Variants in CR1 observed in about 807,000 individuals in gnomAD.
CR1 encodes complement C3b/C4b receptor 1 (Knops blood group), also known as complement receptor type 1.
Under a neutral mutation model 187.3 loss-of-function variants are expected in CR1, and 116 were observed. The observed-to-expected ratio is 0.62, with a 90% CI of 0.53 to 0.72. The LOEUF (loss-of-function observed/expected upper bound fraction) is 0.72, where lower values mean the gene tolerates loss of function less well. Among genes scored for constraint, CR1 ranks in the 30% least tolerant of loss-of-function variants. The pLI, the probability that CR1 is intolerant of heterozygous loss-of-function variation, is 0.00. For missense variants in CR1, 1,731 were observed against 2,110.7 expected (o/e 0.82, Z 3.52); for synonymous variants, 576 against 747.1 (o/e 0.77, Z 3.73).
At chr1:207,629,994 A>T (rs968912103) in intron 45 of CR1, among the ~76,000 whole-genome samples, 7 of 152,224 alleles carry the variant, frequency 4.6e-5, no homozygotes, top group African/African-American at 1.7e-4. Flanking sequence ...CATGATTGTT[A>T]TTACTGATAT....
intron 28 of CR1, among the ~76,000 whole-genome samples, chr1:207,576,275 G>A (rs1314690295): frequency 6.6e-6 from 1 of 152,112 alleles, no homozygotes; most frequent in East Asian, 1.9e-4. Context: ...AGGATAAGTG[G>A]GAACAAACTT....
chr1:207,616,210 C>T (rs1662089763), intron 40 of CR1, among the ~76,000 whole-genome samples: 1 of 151,994 alleles, frequency 6.6e-6, no homozygotes, highest in African/African-American at 2.4e-5. Flanking sequence ...CTCTGATGAC[C>T]AAAACTTTGT....
chr1:207,617,507 A>G (rs55633468), intron 41 of CR1, among the ~76,000 whole-genome samples: 4,561 of 47,048 alleles, frequency 0.097, 746 homozygotes, highest in East Asian at 0.25. Context: ...ATATATATAT[A>G]TGTGTGTGTG....
At chr1:207,604,025 C>T (rs192769136) in intron 35 of CR1, among the ~76,000 whole-genome samples, 3 of 152,272 alleles carry the variant, frequency 2.0e-5, no homozygotes, top group Non-Finnish European at 4.4e-5. Context: ...CCATGACCTA[C>T]GGAGTGAGTC....
intron 39 of CR1, among the ~76,000 whole-genome samples, chr1:207,613,720 A>G (rs1662011935): frequency 1.3e-5 from 2 of 152,104 alleles, no homozygotes; most frequent in African/African-American, 4.8e-5. Context: ...ATGATTTCCA[A>G]AGAATCTTCG....
chr1:207,523,744 T>C lies in CR1; in HGVS notation c.621T>C (p.Leu207=). Residue 207 remains leucine (L), a synonymous_variant, in exon 5 of 47, where the codon CTT becomes CTC. Transcript: ENST00000367049. ...GCGGAGGGAGAAAGGTGTTTGAGCT[T>C]GTGGGTGAGCCCTCCATATACTGCA... The part of the protein sequence containing the change: ...PGSGGRKVFE[L]VGEPSIYCTS... The C allele has an allele frequency of 6.2e-7, 1 of 1,612,274 alleles. No individual in the cohort carries two copies. Among genetic ancestry groups the C allele is most frequent in the South Asian group, 1.1e-5 (1 of 91,006 alleles).
intron 4 of CR1, among the ~76,000 whole-genome samples, chr1:207,516,814 A>T (rs2102297063): frequency 6.6e-6 from 1 of 152,242 alleles, no homozygotes; most frequent in South Asian, 2.1e-4. Flanking sequence ...CAAATTTGTT[A>T]AATTTACTTA....
chr1:207,607,170 T>C, intron 35 of CR1, 81 bp from the exon 36 acceptor site: 3 of 1,110,566 alleles, frequency 2.7e-6, no homozygotes, highest in Admixed American at 1.7e-5. Context: ...ATGTCTAATG[T>C]CTACCTGCTA....
intron 27 of CR1, among the ~76,000 whole-genome samples, chr1:207,574,934 A>G (rs1244438052): frequency 6.6e-6 from 1 of 152,192 alleles, no homozygotes; most frequent in Non-Finnish European, 1.5e-5. Flanking sequence ...CAAGGAATGC[A>G]TTTGTCTCTT....
chr1:207,627,548 A>G (rs1443980310), intron 45 of CR1, among the ~76,000 whole-genome samples: 1 of 152,218 alleles, frequency 6.6e-6, no homozygotes, highest in African/African-American at 2.4e-5. Flanking sequence ...CTAATATACC[A>G]ACTGTCTCAG....
At chr1:207,526,502 G>A (rs1277127330) in intron 5 of CR1, among the ~76,000 whole-genome samples, 1 of 151,034 alleles carries the variant, frequency 6.6e-6, no homozygotes, top group Non-Finnish European at 1.5e-5. Context: ...AATCTTAGTT[G>A]CATACTTTAG....
chr1:207,509,407 C>T (rs1245116685), intron 3 of CR1, among the ~76,000 whole-genome samples: 1 of 152,126 alleles, frequency 6.6e-6, no homozygotes, highest in Non-Finnish European at 1.5e-5. Context: ...CCTGGCTCCC[C>T]TTACAATAAG....
intron 4 of CR1, among the ~76,000 whole-genome samples, chr1:207,514,988 T>TAC (rs1370890455): frequency 1.6e-4 from 20 of 127,514 alleles, no homozygotes; most frequent in African/African-American, 5.7e-4. Context: ...AACATATATA[T>TAC]ATATATACAC....
intron 34 of CR1, among the ~76,000 whole-genome samples, chr1:207,588,096 G>A (rs6663530): frequency 0.067 from 10,200 of 152,228 alleles, 1,131 homozygotes; most frequent in African/African-American, 0.23. Context: ...TTTGGCTGGC[G>A]GAATGAGAGT....
intron 33 of CR1, 130 bp downstream of exon 33, chr1:207,585,006 C>T: frequency 7.2e-7 from 1 of 1,380,544 alleles, no homozygotes; most frequent in Non-Finnish European, 9.8e-7. Flanking sequence ...GTCAAAATTA[C>T]ATACCATAGC....
rs1015405744 is a variant in CR1, at chr1:207,641,213, GTGAT to G, written c.*1807_*1810del. On this transcript the variant is annotated 3_prime_UTR_variant, in exon 47 of 47. Coordinates refer to ENST00000367049, the MANE Select transcript of CR1 (RefSeq NM_000651.6). ...TTTTTAAAGGAGGACTAGAAACTAA[GTGAT>G]TGGGAATTGGCCTTTTTAGAATTAA... The G allele has an allele frequency of 1.3e-5, 2 of 151,920 alleles. No individual in the cohort carries two copies. Among genetic ancestry groups the G allele is most frequent in the Non-Finnish European group, 2.9e-5 (2 of 67,986 alleles). 9.4% of individuals were successfully genotyped at this position (151,920 alleles called of 1,614,324 possible).
chr1:207,511,073 C>T (rs1659599576), intron 3 of CR1, among the ~76,000 whole-genome samples: 1 of 152,130 alleles, frequency 6.6e-6, no homozygotes. Flanking sequence ...CCTCTTGCCT[C>T]AGCCCCCCAA....
At position 207,592,058 on chromosome 1, in the gene CR1, A is replaced by G. The variant is rs577273562; in HGVS notation, c.5810+3284A>G. 2.2e-3 allele frequency among the ~76,000 whole-genome samples: 330 copies of G among 152,334 alleles called. 2 individuals are homozygous for G. The highest frequency in any genetic ancestry group is 6.2e-3 in the East Asian group (32 of 5,188). On this transcript the variant is annotated intron_variant, in intron 35 of 46. Coordinates refer to ENST00000367049, the MANE Select transcript of CR1 (RefSeq NM_000651.6). ...CCATTCCTTCTAAACTATTCCAAAC[A>G]ATAGAAAAAGAGGGACTCCTCCCTA...
intron 35 of CR1, among the ~76,000 whole-genome samples, chr1:207,595,927 A>G (rs1003097022): frequency 8.6e-5 from 13 of 151,170 alleles, no homozygotes; most frequent in African/African-American, 3.1e-4. Context: ...CACTTCAGCT[A>G]GGAAGTTAGA....
Sources: allele counts gnomAD v4.1 joint callset (sites outside exome capture counted in the v4.1 genomes callset), GRCh38; gene constraint gnomAD v4.1.1; transcripts MANE v1.5; gene names NCBI Gene and HGNC (gene_info 2026-07-23, HGNC 2026-07-21).